PPM1N: variants seen among roughly 807,000 people sequenced by gnomAD.
PPM1N encodes the protein probable protein phosphatase 1N.
In PPM1N, 35 loss-of-function variants were observed where a neutral mutation model predicts 32.6. The ratio of observed to expected loss-of-function variants is 1.07; its 90% CI spans 0.82 to 1.43. PPM1N has a LOEUF of 1.43. Among genes scored for constraint, PPM1N ranks in the 40% most tolerant of loss-of-function variants. The probability of loss-of-function intolerance (pLI) is 0.00; values close to 1 mark genes in which losing one functional copy is unlikely to be tolerated. For missense variants in PPM1N, 648 were observed against 606.6 expected (o/e 1.07, Z -0.72); for synonymous variants, 275 against 270.5 (o/e 1.02, Z -0.16).
intron 1 of PPM1N, 99 bp from the exon 2 acceptor site, chr19:45,499,850 C>T: frequency 1.3e-6 from 2 of 1,516,180 alleles, no homozygotes; most frequent in Non-Finnish European, 1.8e-6. Flanking sequence ...AAGAAATGGG[C>T]ATAAGTAGAA....
chr19:45,500,758 C>A (rs1378701899), intron 4 of PPM1N, 48 bp downstream of exon 4: 5 of 1,271,834 alleles, frequency 3.9e-6, no homozygotes, highest in Non-Finnish European at 5.3e-6. Context: ...GGGACGCCCC[C>A]CCGCCCACCC....
chr19:45,501,495 G>A (rs184941531), intron 4 of PPM1N, among the ~76,000 whole-genome samples: 233 of 152,284 alleles, frequency 1.5e-3, no homozygotes, highest in African/African-American at 5.2e-3. Flanking sequence ...AGTAGCTGAA[G>A]GAGGTATTTG....
At chr19:45,500,230 G>A (rs148637501) in intron 2 of PPM1N, among the ~76,000 whole-genome samples, 164 bp downstream of exon 2, 2,274 of 152,144 alleles carry the variant, frequency 0.015, 53 homozygotes, top group African/African-American at 0.052. Flanking sequence ...TGCCTTCCGG[G>A]TTCAAGCGAT....
Position 45,502,109 on chromosome 19 carries a change from T to C in PPM1N, c.*24T>C. ...GACAGCTGTTGTCCTTTGGGGATCC[T>C]TTGCTTCTCTGGGGCCTCAACAGAA... On this transcript the variant is annotated 3_prime_UTR_variant, in exon 5 of 5. Transcript: ENST00000451287. 1 of 1,570,610 alleles carries C rather than the reference T, an allele frequency of 6.4e-7. No individual in the cohort carries two copies. The highest frequency in any genetic ancestry group is 8.7e-7 in the Non-Finnish European group (1 of 1,152,196).
At position 45,498,676 on chromosome 19, in the gene PPM1N, G is replaced by C. The variant is rs1968347769; in HGVS notation, c.204G>C (p.Gly68=). 6.9e-7 allele frequency: 1 copy of C among 1,447,428 alleles called. No homozygotes were observed. Among genetic ancestry groups the C allele is most frequent in the East Asian group, 2.9e-5 (1 of 34,010 alleles). 89.7% of individuals were successfully genotyped at this position (1,447,428 alleles called of 1,614,324 possible). Reference sequence around the variant, plus strand: ...AGGCGTCTGGGGGCCTGCGCTTCGGGGCGAGCGCAGCGCAAGGCTGGCGCG... The same window carrying C: ...AGGCGTCTGGGGGCCTGCGCTTCGGCGCGAGCGCAGCGCAAGGCTGGCGCG... ...GAEASGGLRF[G]ASAAQGWRAR... is the part of the protein sequence containing the mutation. Residue 68 remains glycine, a synonymous_variant, in exon 1 of 5, where the codon GGG becomes GGC. Coordinates refer to ENST00000451287, the MANE Select transcript of PPM1N (RefSeq NM_001080401.2).
intron 1 of PPM1N, 60 bp downstream of exon 1, chr19:45,499,471 G>A (rs754226478): frequency 1.6e-5 from 25 of 1,598,210 alleles, no homozygotes; most frequent in Non-Finnish European, 2.0e-5. Flanking sequence ...GAGAGCCTCG[G>A]GGTTTTGGGG....
Position 45,499,203 on chromosome 19 carries a change from G to T in PPM1N, c.731G>T (p.Arg244Met). ...TTTACCTACAAGGAGGCTCCGGGGAGGCCCCCCGAGCTACAGCTCGTTTCT... is the reference window on the plus strand; with the variant it reads ...TTTACCTACAAGGAGGCTCCGGGGATGCCCCCCGAGCTACAGCTCGTTTCT... ...GDFTYKEAPG[R>M]PPELQLVSAE... Residue 244 changes from arginine to methionine, a missense_variant, in exon 1 of 5, where the codon AGG becomes ATG. Coordinates refer to ENST00000451287, the MANE Select transcript of PPM1N (RefSeq NM_001080401.2). The T allele has an allele frequency of 6.4e-7, 1 of 1,559,166 alleles. No individual in the cohort carries two copies.
chr19:45,499,629 A>T (rs1266401521), intron 1 of PPM1N: 5 of 1,548,712 alleles, frequency 3.2e-6, no homozygotes, highest in South Asian at 1.2e-5. Context: ...AGTGGAAGGG[A>T]CTTAAGAGAA....
intron 1 of PPM1N, chr19:45,499,620 G>A: frequency 6.5e-7 from 1 of 1,549,294 alleles, no homozygotes; most frequent in Non-Finnish European, 8.7e-7. Flanking sequence ...GGGAGAGTTA[G>A]TGGAAGGGAC....
Position 45,502,078 on chromosome 19 carries a change from A to T in PPM1N, c.1286A>T (p.Glu429Val). 1 of 1,581,630 alleles carries T rather than the reference A, an allele frequency of 6.3e-7. No homozygotes were observed. The highest frequency in any genetic ancestry group is 8.6e-7 in the Non-Finnish European group (1 of 1,167,636). ...CATTTGGGCTCAGCCTTGGACATGG[A>T]GGCCTGACAGCTGTTGTCCTTTGGG... ...PTHLGSALDM[E>V]A The change falls in exon 5 of 5, where the codon GAG (glutamate) becomes GTG (valine). Residue 429 changes from glutamate (E) to valine (V), a missense_variant. Coordinates refer to ENST00000451287, the MANE Select transcript of PPM1N (RefSeq NM_001080401.2).
In PPM1N at chr19:45,500,480, C is replaced by A. The variant is rs765073032; in HGVS notation, c.1082C>A (p.Pro361His). 2.5e-6 allele frequency: 4 copies of A among 1,610,320 alleles called. No individual in the cohort carries two copies. The highest frequency in any genetic ancestry group is 1.7e-5 in the Admixed American group (1 of 59,514). Residue 361 changes from proline (P) to histidine (H), a missense_variant, in exon 3 of 5, where the codon CCC (proline) becomes CAC (histidine). Transcript: ENST00000451287. ...GAACTGTGTGCCTCTGCTCAGAAGC[C>A]CCCCAGCCTGAACACAGTTTTCAGG... Reference protein sequence around the residue: ...IAELCASAQKPPSLNTVFRTL... With the variant: ...IAELCASAQKHPSLNTVFRTL...
chr19:45,498,813 G>C lies in PPM1N; in HGVS notation c.341G>C (p.Gly114Ala), dbSNP rs2122242549. 3 of 1,547,256 alleles carry C rather than the reference G, an allele frequency of 1.9e-6. No homozygotes were observed. Among genetic ancestry groups the C allele is most frequent in the Non-Finnish European group, 2.6e-6 (3 of 1,154,486 alleles). The change falls in exon 1 of 5, where the codon GGT becomes GCT. Residue 114 changes from glycine to alanine, a missense_variant. Physicochemically the swap from Gly to Ala is moderately conservative, Grantham distance 60. Transcript: ENST00000451287. ...GHGGARAARF[G>A]ARHLPGHVLQ... ...GGTGGGGCTCGAGCTGCCCGCTTCG[G>C]TGCACGCCATTTGCCAGGCCATGTG...
Position 45,500,043 on chromosome 19 carries a change from C to T in PPM1N, c.1034C>T (p.Ala345Val). The change falls in exon 2 of 5, where the codon GCA (alanine) becomes GTA (valine). Residue 345 changes from alanine to valine, a missense_variant. Transcript: ENST00000451287. ...ATCAGGAGGGAGCTAGCACTGGACG[C>T]AGCCCTGGGCTGCAGAATCGCTGGT... ...EAIRRELALD[A>V]ALGCRIAELC... is the part of the protein sequence containing the mutation. 6.3e-7 allele frequency: 1 copy of T among 1,597,056 alleles called. No homozygotes were observed. The highest frequency in any genetic ancestry group is 8.5e-7 in the Non-Finnish European group (1 of 1,170,982).
intron 2 of PPM1N, 132 bp from the exon 3 acceptor site, chr19:45,500,324 G>C (rs983531839): frequency 2.4e-6 from 2 of 840,370 alleles, no homozygotes; most frequent in South Asian, 3.3e-5. Context: ...TAGTATAGAC[G>C]GGGTTTCACG....
At chr19:45,499,438 TG>T in intron 1 of PPM1N, 27 bp downstream of exon 1, 2 of 1,595,114 alleles carry the variant, frequency 1.3e-6, no homozygotes, top group Non-Finnish European at 1.7e-6. Flanking sequence ...GTGGTACCTT[TG>T]GGGCTTGGTG....
chr19:45,500,106 C>T, intron 2 of PPM1N, 40 bp downstream of exon 2: 1 of 1,537,150 alleles, frequency 6.5e-7, no homozygotes, highest in Non-Finnish European at 8.7e-7. Flanking sequence ...GGGTGGTTGG[C>T]CAGTGAAGGC....
Position 45,498,662 on chromosome 19 carries a change from G to A in PPM1N, c.190G>A (p.Gly64Ser). The A allele has an allele frequency of 1.4e-6, 2 of 1,434,926 alleles. No homozygotes were observed. The highest frequency in any genetic ancestry group is 1.5e-5 in the South Asian group (1 of 68,196). The allele number at this position is 1,434,926 out of a possible 1,614,324, so 88.9% of individuals were successfully genotyped here. A position where few individuals can be genotyped will look rare whatever the true frequency, so the allele number is the denominator to read the frequency against. ...GCACGGGGGTGCCGAGGCGTCTGGGGGCCTGCGCTTCGGGGCGAGCGCAGC... is the reference window on the plus strand; with the variant it reads ...GCACGGGGGTGCCGAGGCGTCTGGGAGCCTGCGCTTCGGGGCGAGCGCAGC... ...RPHGGAEASG[G>S]LRFGASAAQG... The change falls in exon 1 of 5, where the codon GGC becomes AGC. Residue 64 changes from glycine (G) to serine (S), a missense_variant. Physicochemically the swap from Gly to Ser is moderately conservative, Grantham distance 56 (BLOSUM62 0). Coordinates refer to ENST00000451287, the MANE Select transcript of PPM1N (RefSeq NM_001080401.2).
At position 45,498,979 on chromosome 19, in the gene PPM1N, G is replaced by T; in HGVS notation, c.507G>T (p.Leu169=). 1 of 1,562,954 alleles carries T rather than the reference G, an allele frequency of 6.4e-7. No homozygotes were observed. Among genetic ancestry groups the T allele is most frequent in the Non-Finnish European group, 8.6e-7 (1 of 1,163,744 alleles). ...GCGGCTGCACGGCCGTGGTGTTGCT[G>T]GTCTCCCCGCGGTTTCTGTACCTGG... The part of the protein sequence containing the change: ...ETGGCTAVVL[L]VSPRFLYLAH... The change falls in exon 1 of 5, where the codon CTG becomes CTT. Residue 169 remains leucine (L), a synonymous_variant. Transcript: ENST00000451287.
intron 4 of PPM1N, among the ~76,000 whole-genome samples, chr19:45,501,231 C>T (rs1037879314): frequency 6.6e-6 from 1 of 152,174 alleles, no homozygotes; most frequent in Non-Finnish European, 1.5e-5. Context: ...AAGGCCTAGA[C>T]GCACAGCAGA....
Sources: gnomAD v4.1 joint callset for allele counts (sites outside exome capture counted in the v4.1 genomes callset) on GRCh38, gnomAD v4.1.1 for gene constraint, MANE v1.5 for transcripts, NCBI Gene and HGNC (gene_info 2026-07-23, HGNC 2026-07-21) for gene names.